Variants in RYK observed in about 807,000 individuals in gnomAD.
RYK encodes receptor like tyrosine kinase.
RYK carries 21 observed loss-of-function variants against 70.2 expected under a neutral mutation model. That is an observed-to-expected ratio of 0.30 (90% CI 0.21 to 0.43). The LOEUF is 0.43. Among genes scored for constraint, RYK ranks in the 20% least tolerant of loss-of-function variants. The pLI, the probability that RYK is intolerant of heterozygous loss-of-function variation, is 1.00. For synonymous variants in RYK, 267 were observed against 278.0 expected (o/e 0.96, Z 0.39); for missense variants, 604 against 753.3 (o/e 0.80, Z 2.32).
chr3:134,221,903 G>A (rs1214971133), intron 2 of RYK, among the ~76,000 whole-genome samples: 1 of 152,162 alleles, frequency 6.6e-6, no homozygotes, highest in Non-Finnish European at 1.5e-5. Context: ...AAGTAGCCCA[G>A]GCAAGAGATT....
rs2012315503 is a variant in RYK, at chr3:134,158,139, G to A, written c.*14C>T. 1 of 1,403,552 alleles carries A rather than the reference G, an allele frequency of 7.1e-7. No homozygotes were observed. The allele number at this position is 1,403,552 out of a possible 1,614,324, so 86.9% of individuals were successfully genotyped here. A position where few individuals can be genotyped will look rare whatever the true frequency, so the allele number is the denominator to read the frequency against. ...CAGGCACCTTCTTCCTGATGGTGTGGGATTGGAGAGGAGTCAGACGTAGGC... is the reference window on the plus strand; with the variant it reads ...CAGGCACCTTCTTCCTGATGGTGTGAGATTGGAGAGGAGTCAGACGTAGGC... On this transcript the variant is annotated 3_prime_UTR_variant, in exon 15 of 15. Transcript: ENST00000623711.
chr3:134,246,953 G>A (rs945705355), intron 1 of RYK, among the ~76,000 whole-genome samples: 8 of 151,904 alleles, frequency 5.3e-5, no homozygotes, highest in Non-Finnish European at 2.9e-5. Flanking sequence ...GAAACCAAGT[G>A]GCACTGATAG....
At chr3:134,229,691 T>C (rs141861144) in intron 1 of RYK, among the ~76,000 whole-genome samples, 174 of 152,236 alleles carry the variant, frequency 1.1e-3, no homozygotes, top group African/African-American at 3.9e-3. Flanking sequence ...TTTTTAATGA[T>C]TTGTTTCTAG....
chr3:134,207,380 A>C, intron 5 of RYK, 92 bp downstream of exon 5: 2 of 673,116 alleles, frequency 3.0e-6, no homozygotes, highest in East Asian at 3.1e-5. Context: ...ATTTGATACC[A>C]TGAGGCCTCC....
intron 1 of RYK, among the ~76,000 whole-genome samples, chr3:134,247,056 G>T (rs2107699942): frequency 6.6e-6 from 1 of 152,010 alleles, no homozygotes; most frequent in Middle Eastern, 3.4e-3. Context: ...AAGATAAATA[G>T]GTAACGAATC....
chr3:134,175,820 G>C, intron 12 of RYK, 52 bp from the exon 13 acceptor site: 1 of 1,593,606 alleles, frequency 6.3e-7, no homozygotes, highest in Non-Finnish European at 8.6e-7. Flanking sequence ...TAAAAAGTAG[G>C]GATCATCACC....
At chr3:134,192,765 C>T (rs575390591) in intron 7 of RYK, among the ~76,000 whole-genome samples, 7 of 152,258 alleles carry the variant, frequency 4.6e-5, no homozygotes, top group African/African-American at 1.7e-4. Context: ...CAATGATCAT[C>T]AATGGTTGCC....
chr3:134,202,573 C>A, intron 6 of RYK, 157 bp downstream of exon 6: 1 of 563,696 alleles, frequency 1.8e-6, no homozygotes, highest in Non-Finnish European at 3.0e-6. Flanking sequence ...ATCAGAGAAA[C>A]CAGAGACAGT....
At chr3:134,160,983 C>T (rs1233820875) in intron 13 of RYK, among the ~76,000 whole-genome samples, 3 of 152,156 alleles carry the variant, frequency 2.0e-5, no homozygotes, top group South Asian at 4.1e-4. Flanking sequence ...TTCCAGCAGA[C>T]CTGTAAGATG....
chr3:134,173,801 G>A (rs1334482222), intron 13 of RYK, among the ~76,000 whole-genome samples: 1 of 152,172 alleles, frequency 6.6e-6, no homozygotes, highest in Non-Finnish European at 1.5e-5. Context: ...AGTAGTTAGA[G>A]TTAATTAAAG....
intron 10 of RYK, among the ~76,000 whole-genome samples, chr3:134,182,262 C>A (rs954395149): frequency 1.3e-5 from 2 of 152,012 alleles, no homozygotes; most frequent in African/African-American, 2.4e-5. Flanking sequence ...TGTGGTACAT[C>A]CATTCAGTGG....
intron 1 of RYK, among the ~76,000 whole-genome samples, chr3:134,223,794 A>G (rs1462773662): frequency 6.6e-6 from 1 of 152,236 alleles, no homozygotes; most frequent in African/African-American, 2.4e-5. Flanking sequence ...TGAGGAGAAC[A>G]GCCAAAATGC....
At chr3:134,165,352 C>T (rs928509713) in intron 13 of RYK, among the ~76,000 whole-genome samples, 1 of 152,158 alleles carries the variant, frequency 6.6e-6, no homozygotes, top group Admixed American at 6.5e-5. Context: ...CTCTTTTCTT[C>T]CCTTAGTGCA....
intron 1 of RYK, among the ~76,000 whole-genome samples, chr3:134,238,486 T>C (rs2015244235): frequency 6.6e-6 from 1 of 152,190 alleles, no homozygotes; most frequent in East Asian, 1.9e-4. Flanking sequence ...GACTGCCTTC[T>C]TTCTGCCTAA....
At chr3:134,223,031 T>C (rs764601228) in intron 1 of RYK, among the ~76,000 whole-genome samples, 13 of 152,180 alleles carry the variant, frequency 8.5e-5, no homozygotes, top group Non-Finnish European at 1.3e-4. Context: ...ACAAGGTCCT[T>C]GCTGTTCTGA....
intron 1 of RYK, among the ~76,000 whole-genome samples, chr3:134,231,378 T>G (rs1369896708): frequency 6.6e-6 from 1 of 152,168 alleles, no homozygotes. Context: ...AAGGTCTCTC[T>G]AGTTTTACCA....
At chr3:134,249,917 G>GTTTTTTTTTTTTTTTTTTT (rs71624038) in intron 1 of RYK, among the ~76,000 whole-genome samples, 3 of 93,336 alleles carry the variant, frequency 3.2e-5, no homozygotes, top group African/African-American at 1.6e-4. Context: ...TTTCTCTCTC[G>GTTTTTTTTTTTTTTTTTTT]TTTTTTTTTT....
At chr3:134,162,356 C>A (rs957177092) in intron 13 of RYK, among the ~76,000 whole-genome samples, 2 of 151,812 alleles carry the variant, frequency 1.3e-5, no homozygotes, top group African/African-American at 2.4e-5. Context: ...AGCAGCATTA[C>A]CCTAAATACC....
At chr3:134,167,552 G>A (rs193084036) in intron 13 of RYK, among the ~76,000 whole-genome samples, 310 of 152,298 alleles carry the variant, frequency 2.0e-3, no homozygotes, top group African/African-American at 6.9e-3. Context: ...TATGTAGAAA[G>A]GTGAAACTGG....
Sources: allele counts gnomAD v4.1 joint callset (sites outside exome capture counted in the v4.1 genomes callset), GRCh38; gene constraint gnomAD v4.1.1; transcripts MANE v1.5; gene names NCBI Gene and HGNC (gene_info 2026-07-23, HGNC 2026-07-21).